The following PIK3CB variants were observed in gnomAD, a reference collection of about 807,000 sequenced individuals.
PIK3CB encodes phosphatidylinositol-4,5-bisphosphate 3-kinase catalytic subunit beta.
Under a neutral mutation model 136.8 loss-of-function variants are expected in PIK3CB, and 39 were observed. The observed-to-expected ratio is 0.29, with a 90% CI of 0.22 to 0.37. The LOEUF (loss-of-function observed/expected upper bound fraction) is 0.37, where lower values mean the gene tolerates loss of function less well. Ranked by LOEUF, PIK3CB falls within the 10% of genes least tolerant of loss-of-function variation. PIK3CB has a pLI of 1.00. For missense variants in PIK3CB, 868 were observed against 1,275.4 expected (o/e 0.68, Z 4.87); for synonymous variants, 428 against 436.6 (o/e 0.98, Z 0.25).
At chr3:138,812,702 T>C (rs1933127378) in intron 1 of PIK3CB, among the ~76,000 whole-genome samples, 1 of 152,030 alleles carries the variant, frequency 6.6e-6, no homozygotes, top group South Asian at 2.1e-4. Context: ...TAATTTTTTG[T>C]ATTTTTAGAA....
intron 1 of PIK3CB, among the ~76,000 whole-genome samples, chr3:138,821,504 C>T (rs1260979643): frequency 3.3e-5 from 5 of 150,802 alleles, no homozygotes; most frequent in Admixed American, 1.3e-4. Flanking sequence ...ATATTAATAG[C>T]CTGGGCATGG....
intron 4 of PIK3CB, among the ~76,000 whole-genome samples, chr3:138,745,543 G>C (rs2045336884): frequency 6.6e-6 from 1 of 152,112 alleles, no homozygotes; most frequent in Admixed American, 6.5e-5. Context: ...TGAGGCAGGA[G>C]AATCGCTTGA....
chr3:138,756,047 G>T, intron 3 of PIK3CB, 68 bp from the exon 4 acceptor site: 1 of 785,108 alleles, frequency 1.3e-6, no homozygotes, highest in South Asian at 1.5e-5. Flanking sequence ...ATATAAGGAT[G>T]CTCACTGCAG....
intron 2 of PIK3CB, 147 bp from the exon 3 acceptor site, chr3:138,759,506 T>A: frequency 1.9e-6 from 1 of 528,878 alleles, no homozygotes; most frequent in Non-Finnish European, 3.4e-6. Context: ...ATGTGATATT[T>A]TAAAAACCAA....
At chr3:138,818,279 C>T (rs780110783) in intron 1 of PIK3CB, among the ~76,000 whole-genome samples, 7 of 152,180 alleles carry the variant, frequency 4.6e-5, no homozygotes, top group South Asian at 2.1e-4. Context: ...GGAATTCTCT[C>T]GCTCAAAACC....
Position 138,723,330 on chromosome 3 carries a change from C to T in PIK3CB, c.1051-8611G>A, listed in dbSNP as rs1051845911. On this transcript the variant is annotated intron_variant, in intron 8 of 23. Transcript: ENST00000674063. ...CTTTGGGAGGTCGAGGTGGGCAGAT[C>T]GCTTGAGCTCAGGAGTTCGAGACCA... Among the ~76,000 whole-genome samples the T allele has an allele frequency of 7.9e-5, 12 of 152,078 alleles. No individual in the cohort carries two copies. The East Asian group carries it at 1.5e-3, about 20-fold the overall frequency.
At chr3:138,822,584 G>A (rs1463809393) in intron 1 of PIK3CB, among the ~76,000 whole-genome samples, 1 of 151,124 alleles carries the variant, frequency 6.6e-6, no homozygotes, top group Non-Finnish European at 1.5e-5. Flanking sequence ...AGCCAGGTAC[G>A]GTGGCTCAAC....
At chr3:138,676,557 T>A (rs955508029) in intron 19 of PIK3CB, among the ~76,000 whole-genome samples, 8 of 152,332 alleles carry the variant, frequency 5.3e-5, no homozygotes, top group African/African-American at 1.9e-4. Flanking sequence ...CTATGTATAG[T>A]TTTATAGCAG....
chr3:138,687,471 A>T (rs1159256183), intron 16 of PIK3CB, among the ~76,000 whole-genome samples: 1 of 152,152 alleles, frequency 6.6e-6, no homozygotes, highest in Non-Finnish European at 1.5e-5. Context: ...AATACAATCT[A>T]CTTCTTTTTT....
chr3:138,787,025 C>T (rs1256591316), intron 2 of PIK3CB, among the ~76,000 whole-genome samples: 2 of 152,156 alleles, frequency 1.3e-5, no homozygotes, highest in Non-Finnish European at 2.9e-5. Context: ...GGACCAGAAA[C>T]AGTAAGCACT....
chr3:138,754,118 G>A (rs1192105654), intron 4 of PIK3CB, among the ~76,000 whole-genome samples: 1 of 152,006 alleles, frequency 6.6e-6, no homozygotes, highest in Non-Finnish European at 1.5e-5. Context: ...TTATGGGCAT[G>A]AGAACAAAGG....
chr3:138,667,452 T>C (rs1382273423), intron 19 of PIK3CB, among the ~76,000 whole-genome samples: 3 of 152,256 alleles, frequency 2.0e-5, no homozygotes, highest in African/African-American at 7.2e-5. Context: ...AGGGAGTATA[T>C]GAGTGTGTTA....
chr3:138,671,924 A>G, intron 19 of PIK3CB, among the ~76,000 whole-genome samples: 1 of 152,212 alleles, frequency 6.6e-6, no homozygotes, highest in East Asian at 1.9e-4. Context: ...ATGAAGAAAA[A>G]GTGGAGAGAA....
chr3:138,799,990 T>C (rs537765647), intron 1 of PIK3CB, among the ~76,000 whole-genome samples: 2 of 152,280 alleles, frequency 1.3e-5, no homozygotes, highest in South Asian at 2.1e-4. Context: ...TGACCTCATC[T>C]GCTTTCCTCT....
chr3:138,690,137 A>G (rs2043976383), intron 15 of PIK3CB, among the ~76,000 whole-genome samples: 1 of 152,082 alleles, frequency 6.6e-6, no homozygotes, highest in Non-Finnish European at 1.5e-5. Context: ...GTGGAAAAAA[A>G]TATATGAATA....
intron 12 of PIK3CB, among the ~76,000 whole-genome samples, chr3:138,700,049 T>C (rs879468318): frequency 2.6e-5 from 4 of 151,846 alleles, no homozygotes; most frequent in Non-Finnish European, 5.9e-5. Flanking sequence ...CTAAAAAAAA[T>C]AGAAATTAAA....
intron 17 of PIK3CB, 138 bp downstream of exon 17, chr3:138,684,487 C>T (rs1395890138): frequency 5.3e-5 from 27 of 512,252 alleles, no homozygotes; most frequent in African/African-American, 3.5e-4. Flanking sequence ...AGCATAGCCT[C>T]GGAGAACTTT....
At chr3:138,682,421 G>A (rs968426769) in intron 18 of PIK3CB, among the ~76,000 whole-genome samples, 2 of 152,154 alleles carry the variant, frequency 1.3e-5, no homozygotes, top group Admixed American at 6.6e-5. Flanking sequence ...ACTGCGCAAA[G>A]CACAGTCACT....
At chr3:138,697,714 T>A (rs1041574256) in intron 13 of PIK3CB, among the ~76,000 whole-genome samples, 10 of 152,092 alleles carry the variant, frequency 6.6e-5, no homozygotes, top group South Asian at 6.2e-4. Context: ...AGTGCTGGGA[T>A]TACAGACATG....
Sources: allele counts gnomAD v4.1 joint callset (sites outside exome capture counted in the v4.1 genomes callset), GRCh38; gene constraint gnomAD v4.1.1; transcripts MANE v1.5; gene names NCBI Gene and HGNC (gene_info 2026-07-23, HGNC 2026-07-21).